Variants in ZBTB20 observed in about 807,000 individuals in gnomAD.
ZBTB20 encodes zinc finger and BTB domain containing 20, also known as zinc finger and BTB domain-containing protein 20.
A neutral mutation model predicts 56.9 loss-of-function variants in ZBTB20; 9 were observed. The observed-to-expected ratio is 0.16, with a 90% CI of 0.10 to 0.28. The LOEUF is 0.28. Ranked by LOEUF, ZBTB20 falls within the 10% of genes least tolerant of loss-of-function variation. The pLI, the probability that ZBTB20 is intolerant of heterozygous loss-of-function variation, is 1.00. For synonymous variants in ZBTB20, 417 were observed against 420.7 expected (o/e 0.99, Z 0.11); for missense variants, 655 against 1,003.0 (o/e 0.65, Z 4.69).
At chr3:114,660,692 C>A (rs2060670125) in intron 6 of ZBTB20, among the ~76,000 whole-genome samples, 1 of 152,122 alleles carries the variant, frequency 6.6e-6, no homozygotes, top group African/African-American at 2.4e-5. Flanking sequence ...CTTTCAAAAA[C>A]TGTTCATAAT....
chr3:114,535,694 G>A (rs900741188), intron 6 of ZBTB20, among the ~76,000 whole-genome samples: 5 of 152,054 alleles, frequency 3.3e-5, no homozygotes, highest in African/African-American at 9.7e-5. Context: ...ACAAAAAAAG[G>A]AGAATTTAAG....
chr3:114,576,727 C>T (rs1267721770), intron 6 of ZBTB20, among the ~76,000 whole-genome samples: 2 of 151,236 alleles, frequency 1.3e-5, no homozygotes, highest in Admixed American at 1.3e-4. Context: ...AAAGAATAAA[C>T]TGTACTTTAA....
intron 5 of ZBTB20, among the ~76,000 whole-genome samples, chr3:114,746,137 T>C (rs1425902274): frequency 6.6e-6 from 1 of 152,314 alleles, no homozygotes; most frequent in Non-Finnish European, 1.5e-5. Flanking sequence ...GGCAATTGAA[T>C]ACCTACTGAA....
intron 4 of ZBTB20, among the ~76,000 whole-genome samples, chr3:114,881,696 A>G (rs1424592882): frequency 1.3e-5 from 2 of 151,902 alleles, no homozygotes; most frequent in African/African-American, 4.8e-5. Flanking sequence ...TTCTTGGTCT[A>G]ATATGCTTTC....
chr3:114,696,394 C>T (rs992040514), intron 5 of ZBTB20, among the ~76,000 whole-genome samples: 4 of 151,980 alleles, frequency 2.6e-5, no homozygotes, highest in Non-Finnish European at 5.9e-5. Flanking sequence ...CGCATCCATC[C>T]TCTCTTCCAC....
At chr3:114,447,961 C>T (rs1267599193) in intron 7 of ZBTB20, among the ~76,000 whole-genome samples, 1 of 152,094 alleles carries the variant, frequency 6.6e-6, no homozygotes. Context: ...GGATGTTTTG[C>T]TATATGAACC....
At chr3:114,488,613 T>C (rs528603589) in intron 7 of ZBTB20, among the ~76,000 whole-genome samples, 4 of 152,300 alleles carry the variant, frequency 2.6e-5, no homozygotes, top group East Asian at 1.9e-4. Context: ...TGCAGAGAAA[T>C]GGGCAGTCTC....
At chr3:114,928,660 C>T (rs2076246702) in intron 3 of ZBTB20, among the ~76,000 whole-genome samples, 1 of 152,190 alleles carries the variant, frequency 6.6e-6, no homozygotes, top group East Asian at 1.9e-4. Flanking sequence ...GTTGTCTTAC[C>T]TACAGAGTTA....
At chr3:114,403,925 T>C (rs954312895) in intron 7 of ZBTB20, among the ~76,000 whole-genome samples, 21 of 152,154 alleles carry the variant, frequency 1.4e-4, no homozygotes, top group Non-Finnish European at 1.0e-4. Context: ...ATTTTTCTCA[T>C]ATATAATGTG....
chr3:115,119,234 T>C (rs2084111350), intron 1 of ZBTB20, among the ~76,000 whole-genome samples: 5 of 152,134 alleles, frequency 3.3e-5, no homozygotes, highest in Admixed American at 3.3e-4. Flanking sequence ...GTATAAAAGT[T>C]AAAGGTATGT....
chr3:115,078,613 G>GTGTGTGTGTGTGTATATATA (rs769630983), intron 1 of ZBTB20, among the ~76,000 whole-genome samples: 1 of 137,828 alleles, frequency 7.3e-6, no homozygotes, highest in African/African-American at 2.8e-5. Context: ...GTGTGTGTGT[G>GTGTGTGTGTGTGTATATATA]TATATATATA....
At position 114,331,261 on chromosome 3, in the gene ZBTB20, G is replaced by A. The variant is rs2079245715; in HGVS notation, c.*7744C>T. 1 of 152,562 alleles carries A rather than the reference G, an allele frequency of 6.6e-6. No individual in the cohort carries two copies. The allele number at this position is 152,562 out of a possible 1,614,324, so 9.5% of individuals were successfully genotyped here. ...CACCCCTGCCACCTCCAGGAGACCT[G>A]GGGAGACGCCCTGGACTGCTGCTCC... On this transcript the variant is annotated 3_prime_UTR_variant, in exon 12 of 12. Coordinates refer to ENST00000675478, the MANE Select transcript of ZBTB20 (RefSeq NM_001348800.3).
At chr3:114,341,350 C>T (rs2079747411) in intron 11 of ZBTB20, among the ~76,000 whole-genome samples, 1 of 152,004 alleles carries the variant, frequency 6.6e-6, no homozygotes, top group African/African-American at 2.4e-5. Flanking sequence ...TGTAAACATG[C>T]CTGGAAGTCA....
chr3:114,631,091 G>T (rs77648400), intron 6 of ZBTB20, among the ~76,000 whole-genome samples: 4,057 of 152,002 alleles, frequency 0.027, 166 homozygotes, highest in African/African-American at 0.093. Flanking sequence ...CCCAAGTGCT[G>T]CCCACATACA....
rs950243642 is a variant in ZBTB20 at position 114,712,602 on chromosome 3, G to A, written c.-342-19027C>T. Among the ~76,000 whole-genome samples, 8 of 149,632 alleles carry A rather than the reference G, an allele frequency of 5.3e-5. No individual in the cohort carries two copies. The East Asian group carries it at 9.9e-4, about 18-fold the overall frequency. ...CGGGAGGCGGAGGTTGTGGTGAGCC[G>A]AGATCGTGCCATTGCACTCCAGCCT... On this transcript the variant is annotated intron_variant, in intron 5 of 11. Coordinates refer to ENST00000675478, the MANE Select transcript of ZBTB20 (RefSeq NM_001348800.3).
At chr3:114,689,586 G>C (rs2062573972) in intron 6 of ZBTB20, among the ~76,000 whole-genome samples, 2 of 152,128 alleles carry the variant, frequency 1.3e-5, no homozygotes, top group Admixed American at 6.6e-5. Flanking sequence ...CCTGAAGCAA[G>C]AGAAAAAGGT....
intron 7 of ZBTB20, among the ~76,000 whole-genome samples, chr3:114,435,446 A>G (rs1046267467): frequency 2.0e-5 from 3 of 152,144 alleles, no homozygotes; most frequent in African/African-American, 7.2e-5. Context: ...AAGTTACGTA[A>G]ATATCCTTTG....
At chr3:114,822,138 T>G (rs1013931438) in intron 4 of ZBTB20, among the ~76,000 whole-genome samples, 14 of 152,102 alleles carry the variant, frequency 9.2e-5, no homozygotes, top group Non-Finnish European at 1.5e-5. Context: ...TTAGAGCATA[T>G]TGCACATGCT....
rs1433542724 is a variant in ZBTB20 at position 114,330,900 on chromosome 3, G to GC, written c.*8104_*8105insG. On this transcript the variant is annotated 3_prime_UTR_variant, in exon 12 of 12. Coordinates refer to ENST00000675478, the MANE Select transcript of ZBTB20 (RefSeq NM_001348800.3). Reference sequence around the variant, plus strand: ...AGTGGCATTCTACTTCAATGCTTGAGATGGGCAAGAGCAATCAATTCCTAC... The same window carrying GC: ...AGTGGCATTCTACTTCAATGCTTGAGCATGGGCAAGAGCAATCAATTCCTAC... 3.9e-5 allele frequency: 6 copies of GC among 152,176 alleles called. No homozygotes were observed. Among genetic ancestry groups the GC allele is most frequent in the Admixed American group, 3.9e-4 (6 of 15,276 alleles). 9.4% of individuals were successfully genotyped at this position (152,176 alleles called of 1,614,324 possible).
Sources: allele counts gnomAD v4.1 joint callset (sites outside exome capture counted in the v4.1 genomes callset), GRCh38; gene constraint gnomAD v4.1.1; transcripts MANE v1.5; gene names NCBI Gene and HGNC (gene_info 2026-07-23, HGNC 2026-07-21).